DCAF6: variants seen among roughly 807,000 people sequenced by gnomAD.
The protein encoded by DCAF6 is DDB1 and CUL4 associated factor 6, also known as DDB1- and CUL4-associated factor 6.
Under a neutral mutation model 125.1 loss-of-function variants are expected in DCAF6, and 54 were observed. That is an observed-to-expected ratio of 0.43 (90% CI 0.35 to 0.54). DCAF6 has a LOEUF of 0.54. DCAF6 is among the 20% of genes least tolerant of loss of function. DCAF6 has a pLI of 0.01. For missense variants in DCAF6, 934 were observed against 1,161.7 expected (o/e 0.80, Z 2.85); for synonymous variants, 371 against 390.4 (o/e 0.95, Z 0.58).
chr1:168,065,679 G>A lies in DCAF6; in HGVS notation c.2529G>A (p.Glu843=), dbSNP rs775244110. 1.2e-6 allele frequency: 2 copies of A among 1,613,284 alleles called. No homozygotes were observed. The highest frequency in any genetic ancestry group is 1.7e-4 in the Middle Eastern group (1 of 6,058). ...HIFIWDRHTA[E]HLMLLEADNH... ...TCATCTGGGATCGGCACACTGCTGA[G>A]CATTTGATGCTTCTGGAAGCTGATA... The change falls in exon 19 of 22, where the codon GAG becomes GAA. Residue 843 remains glutamate, a synonymous_variant. Transcript: ENST00000367840.
At chr1:168,061,224 T>G (rs1266859300) in intron 17 of DCAF6, among the ~76,000 whole-genome samples, 1 of 152,192 alleles carries the variant, frequency 6.6e-6, no homozygotes, top group African/African-American at 2.4e-5. Context: ...GTATCTAACT[T>G]AAAAATGTAT....
chr1:167,894,619 A>G, the DCAF6 span, among the ~76,000 whole-genome samples: 2 of 151,234 alleles, frequency 1.3e-5, no homozygotes, highest in African/African-American at 2.4e-5. Context: ...GTGAAAAAAA[A>G]TGTGTGTGTG....
rs576772840 is a variant in DCAF6 at position 167,990,523 on chromosome 1, G to A, written c.553-681G>A. ...AATGACTTAGTGATACATTATATAG[G>A]TAATTTTGAATTTTTTACATTTCTA... On this transcript the variant is annotated intron_variant, in intron 5 of 21. Transcript: ENST00000367840. 5.3e-5 allele frequency among the ~76,000 whole-genome samples: 8 copies of A among 152,176 alleles called. No homozygotes were observed. In the South Asian group the frequency reaches 1.5e-3, roughly 28 times the overall value.
At chr1:168,064,138 G>T (rs1692025127) in intron 18 of DCAF6, among the ~76,000 whole-genome samples, 1 of 143,408 alleles carries the variant, frequency 7.0e-6, no homozygotes, top group Non-Finnish European at 1.5e-5. Flanking sequence ...TGGAGAGAAG[G>T]ATTTGGATCT....
chr1:168,036,709 T>G (rs1687853426), intron 12 of DCAF6, among the ~76,000 whole-genome samples: 1 of 151,536 alleles, frequency 6.6e-6, no homozygotes, highest in Non-Finnish European at 1.5e-5. Context: ...AAGCTAAAGG[T>G]CTATTAATTC....
At chr1:168,075,263 G>A (rs965115043) in intron 21 of DCAF6, 108 bp from the exon 22 acceptor site, 3 of 986,160 alleles carry the variant, frequency 3.0e-6, no homozygotes, top group East Asian at 5.5e-5. Flanking sequence ...TCCACACATA[G>A]TGGTGAACTG....
At chr1:168,059,718 T>C (rs1472524743) in intron 17 of DCAF6, among the ~76,000 whole-genome samples, 1 of 152,224 alleles carries the variant, frequency 6.6e-6, no homozygotes, top group Admixed American at 6.5e-5. Flanking sequence ...TGATCATGGC[T>C]CACTGCAGTT....
the DCAF6 span, chr1:167,904,015 T>G: frequency 2.2e-5 from 34 of 1,540,942 alleles, no homozygotes; most frequent in Middle Eastern, 6.7e-4. Flanking sequence ...GCAGCTGGTT[T>G]CCTTGGCTGC....
At chr1:167,993,779 CAAAAA>C (rs1681230082) in intron 7 of DCAF6, among the ~76,000 whole-genome samples, 2 of 151,410 alleles carry the variant, frequency 1.3e-5, no homozygotes, top group African/African-American at 4.9e-5. Context: ...ACAACAACAA[CAAAAA>C]CCCCATGTCC....
At position 167,945,955 on chromosome 1, in the gene DCAF6, GTT is replaced by G. The variant is rs1238443018; in HGVS notation, c.98-5827_98-5826del. On this transcript the variant is annotated intron_variant, in intron 1 of 21. Coordinates refer to ENST00000367840, the MANE Select transcript of DCAF6 (RefSeq NM_001198956.2). ...CTGAATTCATTTACCAAATCTAAGG[GTT>G]TTTTTTTTTTTTTTTTTGAGACAGA... Among the ~76,000 whole-genome samples the G allele has an allele frequency of 1.8e-3, 223 of 123,914 alleles. 1 individual carries two copies. The highest frequency in any genetic ancestry group is 6.1e-3 in the African/African-American group (200 of 32,696). The allele number at this position is 123,914 out of a possible 152,430, so 81.3% of individuals were successfully genotyped here.
the DCAF6 span, among the ~76,000 whole-genome samples, chr1:167,895,097 G>A: frequency 6.6e-6 from 1 of 150,886 alleles, no homozygotes; most frequent in African/African-American, 2.4e-5. Flanking sequence ...CAGGAGAATC[G>A]CTTGAACCCG....
At chr1:167,920,672 G>T in the DCAF6 span, 18 of 1,576,078 alleles carry the variant, frequency 1.1e-5, no homozygotes, top group South Asian at 2.0e-4. Context: ...TATCACAAAT[G>T]TGGAGTAATA....
At chr1:167,895,225 C>T in the DCAF6 span, among the ~76,000 whole-genome samples, 2 of 151,198 alleles carry the variant, frequency 1.3e-5, no homozygotes, top group Non-Finnish European at 1.5e-5. Flanking sequence ...TTATGGTGCT[C>T]AAAGTAAGGC....
intron 1 of DCAF6, among the ~76,000 whole-genome samples, chr1:167,943,407 G>A (rs918357617): frequency 6.6e-6 from 1 of 152,114 alleles, no homozygotes; most frequent in African/African-American, 2.4e-5. Flanking sequence ...GTTTGTCTCC[G>A]TGTATTAAGC....
At chr1:168,006,043 C>T (rs1683285651) in intron 10 of DCAF6, among the ~76,000 whole-genome samples, 1 of 152,078 alleles carries the variant, frequency 6.6e-6, no homozygotes, top group Middle Eastern at 3.2e-3. Context: ...TATTCTTGAA[C>T]ATATTGATCA....
chr1:167,915,787 T>C, the DCAF6 span, among the ~76,000 whole-genome samples: 1 of 152,180 alleles, frequency 6.6e-6, no homozygotes. Flanking sequence ...ATATTTACTG[T>C]GGACCAGGCA....
intron 4 of DCAF6, among the ~76,000 whole-genome samples, chr1:167,981,723 G>C (rs1321498205): frequency 1.3e-5 from 2 of 152,162 alleles, no homozygotes; most frequent in African/African-American, 2.4e-5. Flanking sequence ...ATTCATTTTT[G>C]TGGCTGCATA....
chr1:167,917,396 C>T, the DCAF6 span: 1,833 of 152,158 alleles, frequency 0.012, 44 homozygotes, highest in African/African-American at 0.041. Flanking sequence ...CCCAGGAGTT[C>T]GAGACCAGCC....
At position 168,075,729 on chromosome 1, in the gene DCAF6, T is replaced by G. The variant is rs1693722280; in HGVS notation, c.*294T>G. 3.9e-6 allele frequency: 1 copy of G among 256,910 alleles called. No homozygotes were observed. Among genetic ancestry groups the G allele is most frequent in the Non-Finnish European group, 7.3e-6 (1 of 136,898 alleles). 15.9% of individuals were successfully genotyped at this position (256,910 alleles called of 1,614,324 possible). A position where few individuals can be genotyped will look rare whatever the true frequency, so the allele number is the denominator to read the frequency against. On this transcript the variant is annotated 3_prime_UTR_variant, in exon 22 of 22. Coordinates refer to ENST00000367840, the MANE Select transcript of DCAF6 (RefSeq NM_001198956.2). ...CAAATGTGGGAGCTTGGATCAATGT[T>G]GAAGAATAATTTTCATCATAGTGAA...
Sources: gnomAD v4.1 joint callset for allele counts (sites outside exome capture counted in the v4.1 genomes callset) on GRCh38, gnomAD v4.1.1 for gene constraint, MANE v1.5 for transcripts, NCBI Gene and HGNC (gene_info 2026-07-23, HGNC 2026-07-21) for gene names.